Variants in KAT6A observed in about 807,000 individuals in gnomAD.
The protein encoded by KAT6A is lysine acetyltransferase 6A.
In KAT6A, 9 loss-of-function variants were observed where a neutral mutation model predicts 198.4. That is an observed-to-expected ratio of 0.05 (90% CI 0.03 to 0.08). The LOEUF (loss-of-function observed/expected upper bound fraction) is 0.08. Ranked by LOEUF, KAT6A falls within the 10% of genes least tolerant of loss-of-function variation. The probability of loss-of-function intolerance (pLI) is 1.00; values close to 1 mark genes in which losing one functional copy is unlikely to be tolerated. For missense variants in KAT6A, 2,077 were observed against 2,509.9 expected (o/e 0.83, Z 3.69); for synonymous variants, 890 against 883.0 (o/e 1.01, Z -0.14).
In KAT6A at chr8:41,934,690, C is replaced by T. The variant is rs773943197; in HGVS notation, c.3530G>A (p.Arg1177Gln). 6.8e-6 allele frequency: 11 copies of T among 1,614,016 alleles called. No homozygotes were observed. Among genetic ancestry groups the T allele is most frequent in the East Asian group, 6.7e-5 (3 of 44,880 alleles). Reference protein sequence around the residue: ...PGRKPGFKLSREIMPVSTQAC... With the variant: ...PGRKPGFKLSQEIMPVSTQAC... Reference sequence around the variant, plus strand: ...TTGAGTAGAAACTGGCATGATTTCCCGACTCAACTTAAATCCTGGTTTTCG... The same window carrying T: ...TTGAGTAGAAACTGGCATGATTTCCTGACTCAACTTAAATCCTGGTTTTCG... Residue 1177 changes from arginine to glutamine, a missense_variant, in exon 17 of 17, where the codon CGG becomes CAG. Physicochemically the swap from Arg to Gln is conservative, Grantham distance 43. Transcript: ENST00000265713.
At chr8:41,957,234 C>T (rs778201950) in intron 8 of KAT6A, 7 of 574,336 alleles carry the variant, frequency 1.2e-5, no homozygotes, top group South Asian at 9.7e-5. Flanking sequence ...CCGCCTTTAA[C>T]CTTTGCACCG....
chr8:41,959,396 C>T (rs1823083440), intron 8 of KAT6A, among the ~76,000 whole-genome samples: 1 of 152,102 alleles, frequency 6.6e-6, no homozygotes, highest in African/African-American at 2.4e-5. Context: ...ACCCTTGTCC[C>T]ATTGCTGGCG....
chr8:41,995,674 C>CTT (rs10710765), intron 2 of KAT6A, among the ~76,000 whole-genome samples: 7 of 103,078 alleles, frequency 6.8e-5, no homozygotes, highest in African/African-American at 2.0e-4. Context: ...ATTTTCATTT[C>CTT]TTTTTTTTTT....
chr8:42,040,039 G>A (rs1421647666), intron 2 of KAT6A, among the ~76,000 whole-genome samples: 3 of 151,772 alleles, frequency 2.0e-5, no homozygotes, highest in Non-Finnish European at 4.4e-5. Flanking sequence ...GAGCCACCGC[G>A]CCCTGCCGAA....
intron 2 of KAT6A, among the ~76,000 whole-genome samples, chr8:42,039,968 C>T (rs894496119): frequency 7.3e-5 from 11 of 151,486 alleles, no homozygotes; most frequent in African/African-American, 2.7e-4. Context: ...AGGATGGTCT[C>T]GATCTCCTGA....
intron 8 of KAT6A, among the ~76,000 whole-genome samples, chr8:41,970,488 T>C (rs1293863283): frequency 1.3e-5 from 2 of 152,148 alleles, no homozygotes; most frequent in African/African-American, 2.4e-5. Flanking sequence ...TCCTGCCCCA[T>C]TTCTCCCAGA....
intron 2 of KAT6A, among the ~76,000 whole-genome samples, chr8:41,990,994 C>CAAA (rs61543371): frequency 1.2e-4 from 10 of 80,734 alleles, no homozygotes; most frequent in South Asian, 4.4e-4. Flanking sequence ...GACTCCGTCT[C>CAAA]AAAAAAAAAA....
intron 2 of KAT6A, among the ~76,000 whole-genome samples, chr8:42,002,144 G>A (rs912129274): frequency 1.3e-5 from 2 of 152,108 alleles, no homozygotes; most frequent in Admixed American, 1.3e-4. Context: ...GTCCTATGGG[G>A]AAGGTAATAT....
chr8:42,045,494 G>A (rs568224573), intron 2 of KAT6A, among the ~76,000 whole-genome samples: 41 of 151,222 alleles, frequency 2.7e-4, no homozygotes, highest in African/African-American at 9.7e-4. Flanking sequence ...CCTGGGCAGC[G>A]GAGGCTGCAG....
rs911750206 is a variant in KAT6A, at chr8:41,946,457, C to A, written c.1996+134G>T. ...CTATATGACAAAAGATACTAGCAGC[C>A]AACAAAGCACCTACAAATCTTTAAA... On this transcript the variant is annotated intron_variant, in intron 12 of 16. Transcript: ENST00000265713. 2.5e-4 allele frequency: 128 copies of A among 508,206 alleles called. 2 individuals carry two copies. The highest frequency in any genetic ancestry group is 3.9e-4 in the Admixed American group (11 of 27,964). 31.5% of individuals were successfully genotyped at this position (508,206 alleles called of 1,614,324 possible). A position where few individuals can be genotyped will look rare whatever the true frequency, so the allele number is the denominator to read the frequency against.
rs928187937 is a variant in KAT6A at position 42,014,878 on chromosome 8, T to G, written c.601-27315A>C. Among the ~76,000 whole-genome samples the G allele has an allele frequency of 3.9e-5, 6 of 152,138 alleles. No individual in the cohort carries two copies. In the East Asian group the frequency reaches 1.2e-3, roughly 29 times the overall value. ...CATGTAGTTACAGGTTCAGGATTAC[T>G]TGAAATACTTCGGTACATGCAGTTA... On this transcript the variant is annotated intron_variant, in intron 2 of 16. Transcript: ENST00000265713.
intron 9 of KAT6A, among the ~76,000 whole-genome samples, chr8:41,952,767 G>GT (rs1822728696): frequency 6.6e-6 from 1 of 152,258 alleles, no homozygotes; most frequent in East Asian, 1.9e-4. Context: ...TTTGGAAAAT[G>GT]TAAGATCTCC....
In KAT6A at chr8:42,023,637, G is replaced by A. The variant is rs188634054; in HGVS notation, c.600+24741C>T. ...CAAGTAGCTGGGACTATAGGCGCGC[G>A]CCACCATGTCCAGCTAATTTTTGTA... On this transcript the variant is annotated intron_variant, in intron 2 of 16. Transcript: ENST00000265713. 6.6e-3 allele frequency among the ~76,000 whole-genome samples: 1,001 copies of A among 151,558 alleles called. 17 individuals carry two copies. The highest frequency in any genetic ancestry group is 0.022 in the African/African-American group (897 of 41,318).
At position 41,929,851 on chromosome 8, in the gene KAT6A, TA is replaced by T. The variant is rs1187767760; in HGVS notation, c.*2353del. 2 of 203,234 alleles carry T rather than the reference TA, an allele frequency of 9.8e-6. No homozygotes were observed. The highest frequency in any genetic ancestry group is 2.0e-5 in the Non-Finnish European group (2 of 99,176). 12.6% of individuals were successfully genotyped at this position (203,234 alleles called of 1,614,324 possible). A position where few individuals can be genotyped will look rare whatever the true frequency, so the allele number is the denominator to read the frequency against. On this transcript the variant is annotated 3_prime_UTR_variant, in exon 17 of 17. Coordinates refer to ENST00000265713, the MANE Select transcript of KAT6A (RefSeq NM_006766.5). Reference sequence around the variant, plus strand: ...AGTTTTTAATATTCTACAACAAAGATAAAAAATTTTAAAGATGGAATGAAAT... The same window carrying T: ...AGTTTTTAATATTCTACAACAAAGATAAAAATTTTAAAGATGGAATGAAAT...
In KAT6A at chr8:41,938,282, T is replaced by C. The variant is rs550331642; in HGVS notation, c.3040-714A>G. ...TAAGTTCACACATCCAGTCAAAGCA[T>C]TTATTCATTAACTTCAAAATTACTT... is the stretch of plus-strand genomic sequence containing the variant. On this transcript the variant is annotated intron_variant, in intron 15 of 16. Transcript: ENST00000265713. Among the ~76,000 whole-genome samples, 35 of 152,360 alleles carry C rather than the reference T, an allele frequency of 2.3e-4. 1 individual carries two copies. The South Asian group carries it at 6.0e-3, about 26-fold the overall frequency.
intron 2 of KAT6A, among the ~76,000 whole-genome samples, chr8:42,045,227 A>C (rs1320579836): frequency 1.3e-5 from 2 of 152,264 alleles, no homozygotes; most frequent in Non-Finnish European, 2.9e-5. Context: ...GTCTACCTGA[A>C]GAAACAAACT....
intron 4 of KAT6A, among the ~76,000 whole-genome samples, chr8:41,981,557 T>C (rs1824359396): frequency 6.6e-6 from 1 of 152,210 alleles, no homozygotes; most frequent in Non-Finnish European, 1.5e-5. Context: ...CCTAAATGAA[T>C]GCCTCTGTAC....
intron 2 of KAT6A, among the ~76,000 whole-genome samples, chr8:42,040,314 T>C (rs1025973449): frequency 6.6e-6 from 1 of 152,244 alleles, no homozygotes; most frequent in African/African-American, 2.4e-5. Context: ...TGGATTTCTA[T>C]TCCTGAAGCC....
At chr8:42,045,562 CA>C (rs373672997) in intron 2 of KAT6A, among the ~76,000 whole-genome samples, 81 of 74,066 alleles carry the variant, frequency 1.1e-3, no homozygotes, top group Admixed American at 1.1e-3. Flanking sequence ...AATTCCATCT[CA>C]AAAAAAAAAA....
Sources: allele counts gnomAD v4.1 joint callset (sites outside exome capture counted in the v4.1 genomes callset), GRCh38; gene constraint gnomAD v4.1.1; transcripts MANE v1.5; gene names NCBI Gene and HGNC (gene_info 2026-07-23, HGNC 2026-07-21).